TRPC1: variants seen among roughly 807,000 people sequenced by gnomAD.
The protein encoded by TRPC1 is transient receptor potential cation channel subfamily C member 1, also known as short transient receptor potential channel 1.
TRPC1 carries 42 observed loss-of-function variants against 88.2 expected under a neutral mutation model. That is an observed-to-expected ratio of 0.48 (90% CI 0.37 to 0.62). The LOEUF (loss-of-function observed/expected upper bound fraction) is 0.62. TRPC1 is among the 20% of genes least tolerant of loss of function. The probability of loss-of-function intolerance (pLI) is 0.00; values close to 1 mark genes in which losing one functional copy is unlikely to be tolerated. For synonymous variants in TRPC1, 288 were observed against 331.8 expected (o/e 0.87, Z 1.43); for missense variants, 699 against 957.3 (o/e 0.73, Z 3.56).
At chr3:142,805,340 GTTC>G (rs2108170468) in intron 12 of TRPC1, among the ~76,000 whole-genome samples, 1 of 151,874 alleles carries the variant, frequency 6.6e-6, no homozygotes, top group East Asian at 1.9e-4. Context: ...TATTTTTCTG[GTTC>G]TTCTTGAAAG....
At chr3:142,739,873 G>C (rs1934280022) in intron 2 of TRPC1, among the ~76,000 whole-genome samples, 1 of 152,176 alleles carries the variant, frequency 6.6e-6, no homozygotes, top group Non-Finnish European at 1.5e-5. Flanking sequence ...GGAAAAGGCA[G>C]ATATGAGTCC....
At chr3:142,773,795 C>T (rs1465654031) in intron 4 of TRPC1, among the ~76,000 whole-genome samples, 2 of 148,656 alleles carry the variant, frequency 1.3e-5, no homozygotes, top group East Asian at 2.0e-4. Context: ...TGAAGTCTAT[C>T]CCCGCCCCCC....
At position 142,732,194 on chromosome 3, in the gene TRPC1, T is replaced by C. The variant is rs531998916; in HGVS notation, c.173-4185T>C. ...AGTGAAAAATTACAAAATACGGGGC[T>C]TGGGGAGTTGGTCCATGTGAATCCC... On this transcript the variant is annotated intron_variant, in intron 1 of 12. Coordinates refer to ENST00000476941, the MANE Select transcript of TRPC1 (RefSeq NM_001251845.2). Among the ~76,000 whole-genome samples the C allele has an allele frequency of 2.0e-5, 3 of 152,170 alleles. No individual in the cohort carries two copies. The South Asian group carries it at 6.2e-4, about 32-fold the overall frequency.
intron 4 of TRPC1, among the ~76,000 whole-genome samples, chr3:142,758,314 T>C (rs1935053953): frequency 3.9e-5 from 6 of 152,230 alleles, no homozygotes. Flanking sequence ...TGTGCCATTC[T>C]GATACAAACT....
chr3:142,736,196 GTAT>G (rs1189798601), intron 1 of TRPC1, among the ~76,000 whole-genome samples, 180 bp from the exon 2 acceptor site: 1 of 151,832 alleles, frequency 6.6e-6, no homozygotes, highest in Non-Finnish European at 1.5e-5. Flanking sequence ...GCTGATGTAC[GTAT>G]TATTTTATTA....
intron 3 of TRPC1, among the ~76,000 whole-genome samples, chr3:142,745,052 GACT>G (rs1359491012): frequency 6.6e-6 from 1 of 152,182 alleles, no homozygotes; most frequent in Non-Finnish European, 1.5e-5. Flanking sequence ...TACTCATTCA[GACT>G]ATTACAAAAG....
At chr3:142,794,126 GTAT>G (rs1936379271) in intron 9 of TRPC1, among the ~76,000 whole-genome samples, 1 of 152,080 alleles carries the variant, frequency 6.6e-6, no homozygotes, top group East Asian at 1.9e-4. Context: ...GCAAGTCTCT[GTAT>G]TTTTCCAAAA....
intron 4 of TRPC1, among the ~76,000 whole-genome samples, chr3:142,757,794 C>T (rs1329576240): frequency 2.0e-5 from 3 of 151,716 alleles, no homozygotes; most frequent in African/African-American, 7.3e-5. Flanking sequence ...ACATGTAGCC[C>T]AGAACTTAAA....
chr3:142,726,420 A>G (rs529737952), intron 1 of TRPC1, among the ~76,000 whole-genome samples: 1 of 152,256 alleles, frequency 6.6e-6, no homozygotes, highest in South Asian at 2.1e-4. Flanking sequence ...CAGGTGAAAT[A>G]CCTTGATATT....
chr3:142,741,602 A>G (rs1003177473), intron 2 of TRPC1, among the ~76,000 whole-genome samples: 1 of 152,042 alleles, frequency 6.6e-6, no homozygotes, highest in African/African-American at 2.4e-5. Context: ...CTTTCCCTCT[A>G]CGCTGTTGGT....
chr3:142,764,079 C>CA (rs59004681), intron 4 of TRPC1, among the ~76,000 whole-genome samples: 3 of 144,170 alleles, frequency 2.1e-5, no homozygotes, highest in South Asian at 2.2e-4. Context: ...GAAACAAAGG[C>CA]AAAAAAAAAT....
chr3:142,730,606 GT>G (rs34841179), intron 1 of TRPC1, among the ~76,000 whole-genome samples: 4,366 of 142,326 alleles, frequency 0.031, 225 homozygotes, highest in African/African-American at 0.11. Flanking sequence ...GTCTGCATGG[GT>G]TTTTTTTTTT....
At chr3:142,762,834 CT>C (rs992604404) in intron 4 of TRPC1, among the ~76,000 whole-genome samples, 2 of 152,148 alleles carry the variant, frequency 1.3e-5, no homozygotes, top group African/African-American at 4.8e-5. Flanking sequence ...CTCAGTACTA[CT>C]TTTGCTCTGT....
chr3:142,797,077 A>G (rs979559388), intron 9 of TRPC1, among the ~76,000 whole-genome samples: 3 of 151,906 alleles, frequency 2.0e-5, no homozygotes, highest in Non-Finnish European at 4.4e-5. Flanking sequence ...CTATGATAAG[A>G]AGTCCTTACA....
At chr3:142,799,539 A>T (rs60403314) in intron 9 of TRPC1, among the ~76,000 whole-genome samples, 10,201 of 152,080 alleles carry the variant, frequency 0.067, 1,102 homozygotes, top group African/African-American at 0.23. Flanking sequence ...GGCATGGTGG[A>T]ACACACTTCT....
rs1936321098 is a variant in TRPC1 at position 142,792,465 on chromosome 3, A to G, written c.1438-359A>G. On this transcript the variant is annotated intron_variant, in intron 8 of 12. Coordinates refer to ENST00000476941, the MANE Select transcript of TRPC1 (RefSeq NM_001251845.2). This position sits in a 1 kb window ranked among gnomAD's most constrained non-coding sequence, Gnocchi z 4.0. ...CAAAGCAGTAGGTTAATGTAATATG[A>G]TAGGGAATTAATTGACAGCACATGT... 6.6e-6 allele frequency among the ~76,000 whole-genome samples: 1 copy of G among 152,048 alleles called. No homozygotes were observed. The highest frequency in any genetic ancestry group is 6.6e-5 in the Admixed American group (1 of 15,238).
Position 142,736,524 on chromosome 3 carries a change from C to T in TRPC1, c.318C>T (p.Tyr106=), listed in dbSNP as rs368791294. 5.9e-5 allele frequency: 95 copies of T among 1,606,670 alleles called. No homozygotes were observed. The highest frequency in any genetic ancestry group is 1.7e-4 in the Middle Eastern group (1 of 6,056). Residue 106 remains tyrosine, a synonymous_variant, in exon 2 of 13, where the codon TAC becomes TAT. Coordinates refer to ENST00000476941, the MANE Select transcript of TRPC1 (RefSeq NM_001251845.2). ...ATATACTGCAGCTTCTTTTGGACTA[C>T]GGTTGTCAGGTACAAGGCTAGATAA... ...NLDILQLLLD[Y]GCQSADALLV...
rs1577978212 is a variant in TRPC1 at position 142,767,587 on chromosome 3, T to C, written c.633-10045T>C. 6.8e-6 allele frequency among the ~76,000 whole-genome samples: 1 copy of C among 147,966 alleles called. No individual in the cohort carries two copies. The highest frequency in any genetic ancestry group is 2.1e-4 in the South Asian group (1 of 4,802). ...TAAGATATCTTTATATATAAATATA[T>C]TATATATAAATAAATTATATATCTT... On this transcript the variant is annotated intron_variant, in intron 4 of 12. Transcript: ENST00000476941. This position sits in a 1 kb window ranked among gnomAD's most constrained non-coding sequence, Gnocchi z 5.1.
At chr3:142,790,538 A>C (rs1299722493) in intron 7 of TRPC1, among the ~76,000 whole-genome samples, 5 of 152,182 alleles carry the variant, frequency 3.3e-5, no homozygotes, top group Non-Finnish European at 7.3e-5. Context: ...TGCCATGTAG[A>C]TGATATTTAA....
Sources: gnomAD v4.1 joint callset for allele counts (sites outside exome capture counted in the v4.1 genomes callset) on GRCh38, gnomAD v4.1.1 for gene constraint, Gnocchi (gnomAD v3.1) non-coding constraint, MANE v1.5 for transcripts, NCBI Gene and HGNC (gene_info 2026-07-23, HGNC 2026-07-21) for gene names.